Variants in ST3GAL3 observed in about 807,000 individuals in gnomAD.
ST3GAL3 encodes the protein ST3 beta-galactoside alpha-2,3-sialyltransferase 3, also known as CMP-N-acetylneuraminate-beta-1,4-galactoside alpha-2,3-sialyltransferase.
Under a neutral mutation model 50.1 loss-of-function variants are expected in ST3GAL3, and 21 were observed. The observed-to-expected ratio is 0.42, with a 90% CI of 0.30 to 0.60. ST3GAL3 has a LOEUF of 0.60. Ranked by LOEUF, ST3GAL3 falls within the 20% of genes least tolerant of loss-of-function variation. ST3GAL3 has a pLI of 0.19. For synonymous variants in ST3GAL3, 183 were observed against 190.0 expected (o/e 0.96, Z 0.30); for missense variants, 353 against 489.4 (o/e 0.72, Z 2.63).
At chr1:43,867,088 C>G (rs1421154838) in intron 5 of ST3GAL3, among the ~76,000 whole-genome samples, 1 of 152,206 alleles carries the variant, frequency 6.6e-6, no homozygotes, top group Non-Finnish European at 1.5e-5. Context: ...CCAGATCACG[C>G]CACTGCACTC....
At chr1:43,750,356 A>G (rs567925969) in intron 2 of ST3GAL3, among the ~76,000 whole-genome samples, 17 of 152,372 alleles carry the variant, frequency 1.1e-4, no homozygotes, top group Admixed American at 2.6e-4. Flanking sequence ...CTACAAAAAG[A>G]GTTGTAAACA....
chr1:43,917,668 A>T (rs1240365980), intron 9 of ST3GAL3, among the ~76,000 whole-genome samples: 1 of 50,886 alleles, frequency 2.0e-5, no homozygotes, highest in Non-Finnish European at 5.3e-5. Context: ...TATAATATAT[A>T]TTATATATAT....
intron 5 of ST3GAL3, chr1:43,850,807 C>A: frequency 1.0e-6 from 1 of 994,790 alleles, no homozygotes; most frequent in Non-Finnish European, 1.6e-6. Flanking sequence ...TGCTTCAGGG[C>A]CACAGCAACC....
intron 5 of ST3GAL3, among the ~76,000 whole-genome samples, chr1:43,885,628 G>A (rs72684762): frequency 3.3e-5 from 5 of 152,220 alleles, no homozygotes; most frequent in Admixed American, 2.0e-4. Context: ...TGGTCTGGAC[G>A]GAAGCCCCTG....
At chr1:43,904,523 G>T (rs917038838) in intron 9 of ST3GAL3, among the ~76,000 whole-genome samples, 11 of 151,960 alleles carry the variant, frequency 7.2e-5, no homozygotes, top group African/African-American at 2.7e-4. Context: ...GAGATTTCAC[G>T]TCACTGCCTG....
chr1:43,799,636 C>T (rs1431416716), intron 3 of ST3GAL3: 1 of 152,222 alleles, frequency 6.6e-6, no homozygotes. Flanking sequence ...GGCCCTACCT[C>T]TTAATACTAT....
At chr1:43,734,675 T>G (rs1240350459) in intron 1 of ST3GAL3, among the ~76,000 whole-genome samples, 2 of 152,178 alleles carry the variant, frequency 1.3e-5, no homozygotes, top group East Asian at 1.9e-4. Context: ...TTTTGTAAAT[T>G]AATCTTATAA....
At chr1:43,829,452 G>A (rs1024559711) in intron 4 of ST3GAL3, among the ~76,000 whole-genome samples, 1 of 152,086 alleles carries the variant, frequency 6.6e-6, no homozygotes, top group Non-Finnish European at 1.5e-5. Context: ...CCTTCAGCCA[G>A]GTCTCCTCAT....
chr1:43,783,994 G>C (rs1363315027), intron 2 of ST3GAL3, among the ~76,000 whole-genome samples: 2 of 152,046 alleles, frequency 1.3e-5, no homozygotes, highest in Admixed American at 1.3e-4. Flanking sequence ...TTCCCTTTCA[G>C]TCACATGCAT....
chr1:43,730,304 A>T (rs573990856), intron 1 of ST3GAL3, among the ~76,000 whole-genome samples: 2 of 152,276 alleles, frequency 1.3e-5, no homozygotes, highest in African/African-American at 2.4e-5. Flanking sequence ...GGCTGTGGTC[A>T]CTGTATGGTT....
intron 11 of ST3GAL3, 76 bp downstream of exon 11, chr1:43,921,004 G>T: frequency 6.6e-7 from 1 of 1,521,528 alleles, no homozygotes; most frequent in South Asian, 1.2e-5. Context: ...AAAGGGAGGA[G>T]CCAGTGGCTG....
chr1:43,814,721 G>T (rs1305966053), intron 3 of ST3GAL3, among the ~76,000 whole-genome samples, 170 bp from the exon 4 acceptor site: 2 of 152,192 alleles, frequency 1.3e-5, no homozygotes, highest in African/African-American at 4.8e-5. Context: ...CACAAAACAG[G>T]TGTTCAGCTG....
chr1:43,789,362 T>G (rs1275714984), intron 2 of ST3GAL3, among the ~76,000 whole-genome samples: 1 of 152,158 alleles, frequency 6.6e-6, no homozygotes, highest in African/African-American at 2.4e-5. Context: ...TGAATGGACA[T>G]GAGGGATCTT....
At chr1:43,902,789 A>G (rs1487574068) in intron 9 of ST3GAL3, among the ~76,000 whole-genome samples, 1 of 152,198 alleles carries the variant, frequency 6.6e-6, no homozygotes, top group African/African-American at 2.4e-5. Flanking sequence ...GTGCCTCTGC[A>G]GTCTTCCCCA....
At chr1:43,736,458 C>G in intron 2 of ST3GAL3, 78 bp downstream of exon 2, 1 of 1,613,380 alleles carries the variant, frequency 6.2e-7, no homozygotes, top group Non-Finnish European at 8.5e-7. Context: ...GGCTGCGTCT[C>G]ATATTCTTCA....
rs111912245 is a variant in ST3GAL3 at position 43,824,064 on chromosome 1, C to A, written c.209+9131C>A. Among the ~76,000 whole-genome samples the A allele has an allele frequency of 4.2e-3, 634 of 152,226 alleles. 9 individuals carry two copies. The highest frequency in any genetic ancestry group is 0.014 in the African/African-American group (590 of 41,522). On this transcript the variant is annotated intron_variant, in intron 4 of 11. Transcript: ENST00000347631. ...TCTGCTCACAGATATATTCACAATG[C>A]CTAGTATAGTGTTTATGTGCATAGT...
At chr1:43,795,549 C>T (rs2058590827) in intron 3 of ST3GAL3, among the ~76,000 whole-genome samples, 2 of 152,226 alleles carry the variant, frequency 1.3e-5, no homozygotes, top group Admixed American at 6.5e-5. Context: ...GAGGTCTTCA[C>T]AGTGGCCACT....
intron 4 of ST3GAL3, among the ~76,000 whole-genome samples, chr1:43,820,432 C>T (rs2061949981): frequency 6.6e-6 from 1 of 152,076 alleles, no homozygotes; most frequent in Admixed American, 6.6e-5. Context: ...GCAACTGCAA[C>T]AAGAACAAAA....
At chr1:43,728,143 G>A (rs1434358029) in intron 1 of ST3GAL3, among the ~76,000 whole-genome samples, 1 of 152,010 alleles carries the variant, frequency 6.6e-6, no homozygotes, top group African/African-American at 2.4e-5. Context: ...CTGTTCCTGC[G>A]TTAATTTGCT....
Sources: gnomAD v4.1 joint callset for allele counts (sites outside exome capture counted in the v4.1 genomes callset) on GRCh38, gnomAD v4.1.1 for gene constraint, MANE v1.5 for transcripts, NCBI Gene and HGNC (gene_info 2026-07-23, HGNC 2026-07-21) for gene names.